MSN: variants seen among roughly 807,000 people sequenced by gnomAD.
MSN encodes moesin.
A neutral mutation model predicts 48.0 loss-of-function variants in MSN; 2 were observed. That is an observed-to-expected ratio of 0.04 (90% CI 0.02 to 0.13). The LOEUF is 0.13. Among genes scored for constraint, MSN ranks in the 10% least tolerant of loss-of-function variants. MSN has a pLI of 1.00. For missense variants in MSN, 267 were observed against 470.1 expected (o/e 0.57, Z 3.99); for synonymous variants, 146 against 166.9 (o/e 0.87, Z 0.97).
At chrX:65,635,624 C>T (rs1478540346) in intron 1 of MSN, among the ~76,000 whole-genome samples, 2 of 111,973 alleles carry the variant, frequency 1.8e-5, no homozygotes, top group Non-Finnish European at 3.8e-5. Flanking sequence ...TCCCAGAAGG[C>T]GTGTCTATCC....
At chrX:65,606,218 C>T (rs1390764567) in intron 1 of MSN, among the ~76,000 whole-genome samples, 1 of 109,030 alleles carries the variant, frequency 9.2e-6, no homozygotes, top group Non-Finnish European at 1.9e-5. Flanking sequence ...CAACCTCCGC[C>T]TCCTGGGTTC....
chrX:65,738,694 A>G (rs2071705380), intron 11 of MSN, 77 bp downstream of exon 11: 13 of 973,529 alleles, frequency 1.3e-5, no homozygotes, highest in Admixed American at 2.8e-5. Flanking sequence ...TAGATTCCTT[A>G]TGTTTTGGCT....
In MSN at chrX:65,613,546, G is replaced by C. The variant is rs1002396369; in HGVS notation, c.-22+24934G>C. Reference sequence around the variant, plus strand: ...TCCTCTACAGCATCTGTTTCCTGACGTTTTAATGATTGCCATTCTAACTAG... The same window carrying C: ...TCCTCTACAGCATCTGTTTCCTGACCTTTTAATGATTGCCATTCTAACTAG... On this transcript the variant is annotated intron_variant, in intron 1 of 3. Coordinates refer to the MSN transcript ENST00000609672. 8.0e-5 allele frequency among the ~76,000 whole-genome samples: 9 copies of C among 112,147 alleles called. 1 individual carries two copies. Among genetic ancestry groups the C allele is most frequent in the Non-Finnish European group, 1.7e-4 (9 of 53,188 alleles).
In MSN at chrX:65,739,920, C is replaced by T; in HGVS notation, c.*27C>T. On this transcript the variant is annotated 3_prime_UTR_variant, in exon 13 of 13. Transcript: ENST00000360270. ...GGGCACCCAGCCTCTAGGGACCCCT[C>T]CTCCCTTTTTCCTTGTCCCCACACT... 2.5e-6 allele frequency: 3 copies of T among 1,192,110 alleles called. No individual in the cohort carries two copies. The highest frequency in any genetic ancestry group is 3.4e-6 in the Non-Finnish European group (3 of 884,216).
intron 1 of MSN, chrX:65,625,928 C>G (rs1460939493): frequency 9.8e-6 from 1 of 101,563 alleles, no homozygotes; most frequent in Admixed American, 1.1e-4. Context: ...TTTCCTTTAG[C>G]TGTTTGAACA....
intron 1 of MSN, among the ~76,000 whole-genome samples, chrX:65,654,285 T>G (rs1167037886): frequency 9.4e-6 from 1 of 106,432 alleles, no homozygotes; most frequent in Non-Finnish European, 1.9e-5. Flanking sequence ...TTTTATTTAT[T>G]TTTTTTTTGT....
At chrX:65,626,547 T>G (rs985968488) in intron 1 of MSN, among the ~76,000 whole-genome samples, 2 of 110,428 alleles carry the variant, frequency 1.8e-5, no homozygotes, top group Admixed American at 9.8e-5. Context: ...AGTTTCTGGG[T>G]TTTTTTTTAA....
At chrX:65,620,794 T>A (rs1251723103) in intron 1 of MSN, among the ~76,000 whole-genome samples, 2 of 110,446 alleles carry the variant, frequency 1.8e-5, no homozygotes, top group African/African-American at 3.3e-5. Context: ...AATTTACCTA[T>A]TTTTTTTTCT....
intron 2 of MSN, among the ~76,000 whole-genome samples, chrX:65,720,495 CT>C (rs1322477575): frequency 8.9e-6 from 1 of 112,345 alleles, no homozygotes; most frequent in Non-Finnish European, 1.9e-5. Context: ...ATTTGGCCCT[CT>C]TGAGGCCAAG....
chrX:65,628,600 T>C (rs974774896), intron 1 of MSN, among the ~76,000 whole-genome samples: 1 of 111,966 alleles, frequency 8.9e-6, no homozygotes, highest in Non-Finnish European at 1.9e-5. Flanking sequence ...ACCTCTGACA[T>C]GGCCTGGAGA....
At chrX:65,656,265 CTGTGTGTGTG>C (rs3087113) in intron 1 of MSN, among the ~76,000 whole-genome samples, 76 of 92,778 alleles carry the variant, frequency 8.2e-4, no homozygotes, top group Middle Eastern at 5.4e-3. Context: ...AGATCTATGC[CTGTGTGTGTG>C]TGTGTGTGTG....
At chrX:65,682,399 C>T (rs2071065833) in intron 1 of MSN, among the ~76,000 whole-genome samples, 1 of 112,088 alleles carries the variant, frequency 8.9e-6, no homozygotes, top group Non-Finnish European at 1.9e-5. Flanking sequence ...TGTTGGGACC[C>T]TTGGCTTCTT....
Position 65,728,283 on chromosome X carries a change from T to G in MSN, c.192+374T>G, listed in dbSNP as rs372245203. 7.2e-5 allele frequency among the ~76,000 whole-genome samples: 8 copies of G among 111,455 alleles called. No homozygotes were observed. The East Asian group carries it at 8.5e-4, about 12-fold the overall frequency. On this transcript the variant is annotated intron_variant, in intron 3 of 12. Transcript: ENST00000360270. The stretch of plus-strand genomic sequence containing the variant: ...GGCTTTAGGGGATTTGTGTTTTTTT[T>G]GTTTGTTTGTTTTTGTTTTGTTTTG...
intron 10 of MSN, 134 bp downstream of exon 10, chrX:65,737,472 C>T: frequency 1.3e-6 from 1 of 767,574 alleles, no homozygotes; most frequent in Non-Finnish European, 1.8e-6. Flanking sequence ...CAGCAAATAA[C>T]TAGTTCAGAA....
At chrX:65,673,459 CTTT>C (rs535119692) in intron 1 of MSN, among the ~76,000 whole-genome samples, 2 of 99,583 alleles carry the variant, frequency 2.0e-5, no homozygotes, top group African/African-American at 3.7e-5. Context: ...TGGGGTACAG[CTTT>C]TTTTTTTTTT....
chrX:65,648,212 A>G (rs1406906340), intron 1 of MSN, among the ~76,000 whole-genome samples: 1 of 111,865 alleles, frequency 8.9e-6, no homozygotes, highest in East Asian at 2.8e-4. Flanking sequence ...GAGGAGAGGA[A>G]TGATCAGAAG....
At chrX:65,709,319 T>C (rs191875123) in intron 1 of MSN, among the ~76,000 whole-genome samples, 2 of 112,265 alleles carry the variant, frequency 1.8e-5, no homozygotes, top group Non-Finnish European at 3.8e-5. Context: ...GAGACAGGAA[T>C]GGGAATTCTT....
chrX:65,613,905 G>T (rs1602718520), intron 1 of MSN, among the ~76,000 whole-genome samples: 1 of 111,876 alleles, frequency 8.9e-6, no homozygotes, highest in Admixed American at 9.5e-5. Context: ...TTTGGCTTTT[G>T]TTGCAATTGC....
intron 1 of MSN, among the ~76,000 whole-genome samples, chrX:65,650,274 G>C (rs893312084): frequency 9.0e-6 from 1 of 110,948 alleles, no homozygotes; most frequent in Non-Finnish European, 1.9e-5. Flanking sequence ...TTTTAGTAGA[G>C]ACAGGGTTTT....
Sources: allele counts gnomAD v4.1 joint callset (sites outside exome capture counted in the v4.1 genomes callset), GRCh38; gene constraint gnomAD v4.1.1; transcripts MANE v1.5; gene names NCBI Gene and HGNC (gene_info 2026-07-23, HGNC 2026-07-21).